The following FTSJ3 variants were observed in gnomAD, a reference collection of about 807,000 sequenced individuals.
FTSJ3 encodes FtsJ RNA 2'-O-methyltransferase 3.
A neutral mutation model predicts 111.5 loss-of-function variants in FTSJ3; 46 were observed. The ratio of observed to expected loss-of-function variants is 0.41; its 90% confidence interval spans 0.33 to 0.53. The LOEUF is 0.53. Among genes scored for constraint, FTSJ3 ranks in the 20% least tolerant of loss-of-function variants. The pLI, the probability that FTSJ3 is intolerant of heterozygous loss-of-function variation, is 0.19. For synonymous variants in FTSJ3, 408 were observed against 383.0 expected (o/e 1.07, Z -0.76); for missense variants, 1,075 against 1,063.8 (o/e 1.01, Z -0.15).
intron 13 of FTSJ3, among the ~76,000 whole-genome samples, chr17:63,822,761 G>C (rs552952508): frequency 6.6e-6 from 1 of 152,310 alleles, no homozygotes; most frequent in African/African-American, 2.4e-5. Context: ...CTGAACTCCA[G>C]CCTGGGTGAC....
chr17:63,822,090 CAT>C lies in FTSJ3; in HGVS notation c.1367_1368del (p.Tyr456CysfsTer5), dbSNP rs1327548638. On this transcript the variant is annotated frameshift_variant, in exon 14 of 21. Coordinates refer to ENST00000427159, the MANE Select transcript of FTSJ3 (RefSeq NM_017647.4). LOFTEE classifies it high-confidence loss of function. ...TCACCGTCGTCCTCAACATCTGACA[CAT>C]AGATATCATCCCTTGGCAGATCGGA... Reference protein sequence around the residue: ...FLSDLPRDDIYVSDVEDDGDD... With the variant: ...FLSDLPRDDIXVSDVEDDGDD... The C allele has an allele frequency of 6.2e-7, 1 of 1,614,128 alleles. No individual in the cohort carries two copies. The highest frequency in any genetic ancestry group is 1.3e-5 in the African/African-American group (1 of 74,944).
chr17:63,826,384 A>G (rs769936840), intron 3 of FTSJ3, 80 bp from the exon 4 acceptor site: 116 of 1,391,522 alleles, frequency 8.3e-5, no homozygotes, highest in Non-Finnish European at 1.2e-4. Flanking sequence ...CCCTGGTGTT[A>G]CGTGTACTGG....
At position 63,819,666 on chromosome 17, in the gene FTSJ3, A is replaced by C. The variant is rs1598347740; in HGVS notation, c.*136T>G. ...TGCTCAGGACCACCACGGGAGTTCT[A>C]GGCACTCCACCTCACTGTTCTTCAG... On this transcript the variant is annotated 3_prime_UTR_variant, in exon 21 of 21. Transcript: ENST00000427159. The C allele has an allele frequency of 1.3e-6, 1 of 799,310 alleles. No individual in the cohort carries two copies. The highest frequency in any genetic ancestry group is 2.5e-5 in the East Asian group (1 of 40,084). 49.5% of individuals were successfully genotyped at this position (799,310 alleles called of 1,614,324 possible).
In FTSJ3 at chr17:63,821,609, T is replaced by C; in HGVS notation, c.1631A>G (p.Glu544Gly). 1 of 1,613,536 alleles carries C rather than the reference T, an allele frequency of 6.2e-7. No homozygotes were observed. The highest frequency in any genetic ancestry group is 8.5e-7 in the Non-Finnish European group (1 of 1,179,438). ...SFAGIEDDAD[E>G]ALEISQAQLL... is the part of the protein sequence containing the mutation. The stretch of plus-strand genomic sequence containing the variant: ...CTGGGCCTGACTGATCTCCAGGGCC[T>C]CATCGGCATCGTCCTCGATCCCAGC... Residue 544 changes from glutamate to glycine, a missense_variant, in exon 16 of 21, where the codon GAG (glutamate) becomes GGG (glycine). This residue lies in a region of FTSJ3 where 867 missense variants were observed against 796.9 expected (regional missense o/e 1.09). Coordinates refer to ENST00000427159, the MANE Select transcript of FTSJ3 (RefSeq NM_017647.4).
At position 63,823,877 on chromosome 17, in the gene FTSJ3, A is replaced by G. The variant is rs775271695; in HGVS notation, c.1230T>C (p.Val410=). ...CAGTCTCCCCCTCGTCTGCAATGGA[A>G]ACCCCAGGCAGATCCATCTTCAGCT... ...RVELKMDLPG[V]SIADEGETGM... is the part of the protein sequence containing the mutation. The change falls in exon 13 of 21, where the codon GTT becomes GTC. Residue 410 remains valine, a synonymous_variant. Transcript: ENST00000427159. 3.7e-6 allele frequency: 6 copies of G among 1,613,860 alleles called. No homozygotes were observed. In the African/African-American group the frequency reaches 8.0e-5, roughly 22 times the overall value.
chr17:63,824,859 G>A lies in FTSJ3; in HGVS notation c.782C>T (p.Ala261Val), dbSNP rs201066148. The A allele has an allele frequency of 5.6e-6, 9 of 1,604,028 alleles. No homozygotes were observed. The African/African-American group carries it at 1.1e-4, about 19-fold the overall frequency. Residue 261 changes from alanine to valine, a missense_variant, in exon 9 of 21, where the codon GCC becomes GTC. By Grantham distance (64) the Ala-to-Val change is moderately conservative. Transcript: ENST00000427159. ...RTSVTDFLRA[A>V]NPVDFLSKAS... ...CTTGGAGAGGAAGTCAACAGGGTTG[G>A]CAGCTCGGAGGAAGTCAGTGACTGA...
Position 63,820,271 on chromosome 17 carries a change from G to A in FTSJ3, c.2240C>T (p.Ala747Val). Residue 747 changes from alanine to valine, a missense_variant, in exon 19 of 21, where the codon GCT (alanine) becomes GTT (valine). Transcript: ENST00000427159. ...RPIKKVAEAKARKKRRMLKRL... is the reference protein window; with the variant it reads ...RPIKKVAEAKVRKKRRMLKRL... ...ATCACTTACCCTCCTTTTCTTTCTA[G>A]CCTTAGCCTCAGCCACCTTCTTGAT... The A allele has an allele frequency of 6.4e-7, 1 of 1,551,764 alleles. No individual in the cohort carries two copies.
In FTSJ3 at chr17:63,819,880, C is replaced by T. The variant is rs2040030219; in HGVS notation, c.2466G>A (p.Lys822=). Residue 822 remains lysine (K), a synonymous_variant, in exon 21 of 21, where the codon AAG becomes AAA. Coordinates refer to ENST00000427159, the MANE Select transcript of FTSJ3 (RefSeq NM_017647.4). ...RRPAGVRGHF[K]VVDSRMKKDQ... is the part of the protein sequence containing the mutation. ...CCTTCTTCATCCTTGAGTCCACCAC[C>T]TTGAAATGACCTCTGACTCCAGCTG... 3 of 1,614,080 alleles carry T rather than the reference C, an allele frequency of 1.9e-6. No individual in the cohort carries two copies. In the African/African-American group the frequency reaches 4.0e-5, roughly 22 times the overall value.
chr17:63,819,664 C>T lies in FTSJ3; in HGVS notation c.*138G>A, dbSNP rs572648132. 689 of 795,878 alleles carry T rather than the reference C, an allele frequency of 8.7e-4. 3 individuals carry two copies. The highest frequency in any genetic ancestry group is 2.3e-3 in the Middle Eastern group (6 of 2,626). The allele number at this position is 795,878 out of a possible 1,614,324, so 49.3% of individuals were successfully genotyped here. On this transcript the variant is annotated 3_prime_UTR_variant, in exon 21 of 21. Coordinates refer to ENST00000427159, the MANE Select transcript of FTSJ3 (RefSeq NM_017647.4). The stretch of plus-strand genomic sequence containing the variant: ...TCTGCTCAGGACCACCACGGGAGTT[C>T]TAGGCACTCCACCTCACTGTTCTTC...
In FTSJ3 at chr17:63,820,354, A is replaced by C; in HGVS notation, c.2157T>G (p.Val719=). 1 of 1,614,034 alleles carries C rather than the reference A, an allele frequency of 6.2e-7. No individual in the cohort carries two copies. The highest frequency in any genetic ancestry group is 8.5e-7 in the Non-Finnish European group (1 of 1,180,010). ...EKQHRIRQLP[V]GKKEVEHYRK... ...GGTAATGCTCCACCTCCTTCTTACC[A>C]ACAGGCAACTGTCGTATCCGGTGCT... Residue 719 remains valine (V), a synonymous_variant, in exon 19 of 21, where the codon GTT becomes GTG. Transcript: ENST00000427159.
At chr17:63,823,389 G>A (rs2040067910) in intron 13 of FTSJ3, among the ~76,000 whole-genome samples, 2 of 152,084 alleles carry the variant, frequency 1.3e-5, no homozygotes, top group African/African-American at 4.8e-5. Context: ...AGGTCAGGAG[G>A]TCGAGACCAT....
At chr17:63,822,851 C>A (rs1057158997) in intron 13 of FTSJ3, among the ~76,000 whole-genome samples, 1 of 152,118 alleles carries the variant, frequency 6.6e-6, no homozygotes, top group Non-Finnish European at 1.5e-5. Flanking sequence ...TTACACCTAT[C>A]TTTTTTTATT....
At chr17:63,820,502 T>C in intron 18 of FTSJ3, 64 bp from the exon 19 acceptor site, 1 of 1,525,722 alleles carries the variant, frequency 6.6e-7, no homozygotes, top group Non-Finnish European at 9.0e-7. Flanking sequence ...ATTACCAGAC[T>C]GGGCACGGTG....
intron 16 of FTSJ3, 22 bp downstream of exon 16, chr17:63,821,332 T>C (rs2040049080): frequency 6.3e-7 from 1 of 1,587,906 alleles, no homozygotes; most frequent in Admixed American, 1.8e-5. Context: ...TTCCATCCCT[T>C]CTCTCAGCTG....
In FTSJ3 at chr17:63,819,724, A is replaced by T. The variant is rs1869672949; in HGVS notation, c.*78T>A. The T allele has an allele frequency of 8.2e-6, 11 of 1,344,744 alleles. No individual in the cohort carries two copies. Among genetic ancestry groups the T allele is most frequent in the Non-Finnish European group, 1.1e-5 (11 of 976,886 alleles). The allele number at this position is 1,344,744 out of a possible 1,614,324, so 83.3% of individuals were successfully genotyped here. A position where few individuals can be genotyped will look rare whatever the true frequency, so the allele number is the denominator to read the frequency against. On this transcript the variant is annotated 3_prime_UTR_variant, in exon 21 of 21. Coordinates refer to ENST00000427159, the MANE Select transcript of FTSJ3 (RefSeq NM_017647.4). ...TGATGTGAGCAGGGGCTAGGCCGGT[A>T]ATCAAGGGGGCCAGACTGAGCCATG...
At chr17:63,824,558 T>C in intron 10 of FTSJ3, 79 bp downstream of exon 10, 7 of 1,429,860 alleles carry the variant, frequency 4.9e-6, no homozygotes, top group Non-Finnish European at 6.9e-6. Flanking sequence ...CACAGCAATA[T>C]CCTCTTCCCA....
At chr17:63,822,526 C>T (rs565234520) in intron 13 of FTSJ3, among the ~76,000 whole-genome samples, 6 of 152,270 alleles carry the variant, frequency 3.9e-5, no homozygotes, top group South Asian at 2.1e-4. Flanking sequence ...CTGAGAATAC[C>T]GTCTACACAG....
At chr17:63,826,337 G>A (rs1243848053) in intron 3 of FTSJ3, 33 bp from the exon 4 acceptor site, 1 of 1,608,474 alleles carries the variant, frequency 6.2e-7, no homozygotes, top group Non-Finnish European at 8.5e-7. Context: ...AAAACCTAGA[G>A]CCATCCTTTT....
Position 63,820,363 on chromosome 17 carries a change from C to T in FTSJ3, c.2148G>A (p.Gln716=), listed in dbSNP as rs1567751096. The part of the protein sequence containing the change: ...VQEEKQHRIR[Q]LPVGKKEVEH... ...CCACCTCCTTCTTACCAACAGGCAA[C>T]TGTCGTATCCGGTGCTGCTTTTCCT... Residue 716 remains glutamine, a synonymous_variant, in exon 19 of 21, where the codon CAG becomes CAA. Transcript: ENST00000427159. 2 of 1,614,198 alleles carry T rather than the reference C, an allele frequency of 1.2e-6. No homozygotes were observed. The highest frequency in any genetic ancestry group is 2.2e-5 in the East Asian group (1 of 44,884).
Sources: allele counts gnomAD v4.1 joint callset (sites outside exome capture counted in the v4.1 genomes callset), GRCh38; gene constraint gnomAD v4.1.1; regional missense constraint gnomAD v4.1.1; transcripts MANE v1.5; gene names NCBI Gene and HGNC (gene_info 2026-07-23, HGNC 2026-07-21).